Variants in BRWD1 observed in about 807,000 individuals in gnomAD.
BRWD1 encodes the protein bromodomain and WD repeat domain containing 1, also known as bromodomain and WD repeat-containing protein 1.
Under a neutral mutation model 251.2 loss-of-function variants are expected in BRWD1, and 82 were observed. The ratio of observed to expected loss-of-function variants is 0.33; its 90% CI spans 0.27 to 0.39. BRWD1 has a LOEUF of 0.39. Ranked by LOEUF, BRWD1 falls within the 10% of genes least tolerant of loss-of-function variation. BRWD1 has a pLI of 1.00. For missense variants in BRWD1, 2,233 were observed against 2,711.6 expected (o/e 0.82, Z 3.92); for synonymous variants, 918 against 902.8 (o/e 1.02, Z -0.30).
intron 27 of BRWD1, among the ~76,000 whole-genome samples, chr21:39,228,018 G>A (rs1429999730): frequency 2.6e-5 from 4 of 152,136 alleles, no homozygotes; most frequent in African/African-American, 7.2e-5. Flanking sequence ...GGCTGGGCAC[G>A]GTGGCTCACA....
chr21:39,220,692 T>C (rs1288162199), intron 29 of BRWD1, among the ~76,000 whole-genome samples: 1 of 152,226 alleles, frequency 6.6e-6, no homozygotes, highest in Non-Finnish European at 1.5e-5. Flanking sequence ...ATGCAGTTAT[T>C]ATATTACGCA....
At chr21:39,215,901 G>A (rs2032869055) in intron 31 of BRWD1, among the ~76,000 whole-genome samples, 1 of 152,196 alleles carries the variant, frequency 6.6e-6, no homozygotes, top group South Asian at 2.1e-4. Flanking sequence ...TCAAGAGGCT[G>A]AGGTGGGAGG....
chr21:39,291,419 T>C (rs2035804073), intron 8 of BRWD1, among the ~76,000 whole-genome samples: 2 of 152,154 alleles, frequency 1.3e-5, no homozygotes, highest in South Asian at 2.1e-4. Context: ...AACCAAACGT[T>C]AAGTTTCAAA....
At position 39,255,593 on chromosome 21, in the gene BRWD1, T is replaced by C. The variant is rs961728975; in HGVS notation, c.2255+52A>G. ...AATACAGAATGTGTAAATAACCATA[T>C]AAATATATTTTCACAGATAGAAACA... On this transcript the variant is annotated intron_variant, in intron 19 of 40. Coordinates refer to ENST00000342449, the MANE Select transcript of BRWD1 (RefSeq NM_033656.4). 30 of 1,452,602 alleles carry C rather than the reference T, an allele frequency of 2.1e-5. No individual in the cohort carries two copies. In the African/African-American group the frequency reaches 3.8e-4, roughly 19 times the overall value. 90.0% of individuals were successfully genotyped at this position (1,452,602 alleles called of 1,614,324 possible).
chr21:39,295,175 G>GTT (rs869129436), intron 7 of BRWD1, among the ~76,000 whole-genome samples: 3 of 64,670 alleles, frequency 4.6e-5, no homozygotes, highest in South Asian at 9.7e-4. Context: ...GTATGTCTAT[G>GTT]TTTTTTTTTT....
rs2031647665 is a variant in BRWD1, at chr21:39,193,263, T to C, written c.*2996A>G. On this transcript the variant is annotated 3_prime_UTR_variant, in exon 41 of 41. Transcript: ENST00000342449. ...CAAGCTGTGAGTAACTGCTATATCA[T>C]TGTTTCCAAGGATTAATAAACTGAG... is the stretch of plus-strand genomic sequence containing the variant. 2.0e-6 allele frequency: 2 copies of C among 985,028 alleles called. No individual in the cohort carries two copies. The highest frequency in any genetic ancestry group is 1.7e-5 in the African/African-American group (1 of 57,214). 61.0% of individuals were successfully genotyped at this position (985,028 alleles called of 1,614,324 possible). A position where few individuals can be genotyped will look rare whatever the true frequency, so the allele number is the denominator to read the frequency against.
intron 7 of BRWD1, among the ~76,000 whole-genome samples, chr21:39,295,120 A>T (rs1426404565): frequency 6.6e-6 from 1 of 150,664 alleles, no homozygotes; most frequent in East Asian, 2.0e-4. Context: ...ATTACAATGT[A>T]ATCTAATTCA....
intron 2 of BRWD1, 22 bp downstream of exon 2, chr21:39,313,219 C>T (rs1333972675): frequency 1.5e-5 from 23 of 1,526,054 alleles, no homozygotes; most frequent in Admixed American, 2.0e-5. Flanking sequence ...AAGTCCGCAG[C>T]CGCCCGCGGG....
Position 39,270,380 on chromosome 21 carries a change from G to A in BRWD1, c.1298C>T (p.Ala433Val). 1 of 1,612,420 alleles carries A rather than the reference G, an allele frequency of 6.2e-7. No individual in the cohort carries two copies. Among genetic ancestry groups the A allele is most frequent in the South Asian group, 1.1e-5 (1 of 90,766 alleles). ...AACAATGCTATCATTTTGATTCCAA[G>A]CTATCATTGTTACTTTAGGTTTCAT... ...RFMKPKVTMI[A>V]WNQNDSIVVT... Residue 433 changes from alanine (A) to valine (V), a missense_variant, in exon 14 of 41, where the codon GCT (alanine) becomes GTT (valine). This residue lies in a region of BRWD1 where 315 missense variants were observed against 421.8 expected (regional missense o/e 0.75). Transcript: ENST00000342449.
In BRWD1 at chr21:39,277,962, C is replaced by T. The variant is rs115792749; in HGVS notation, c.1004-611G>A. Among the ~76,000 whole-genome samples, 321 of 152,232 alleles carry T rather than the reference C, an allele frequency of 2.1e-3. 2 individuals carry two copies. Among genetic ancestry groups the T allele is most frequent in the African/African-American group, 7.4e-3 (306 of 41,540 alleles). On this transcript the variant is annotated intron_variant, in intron 10 of 40. Coordinates refer to ENST00000342449, the MANE Select transcript of BRWD1 (RefSeq NM_033656.4). ...CTCCTGGACACAAGCAATACTCCCA[C>T]CTAGTCTCCTGAGTAGCTGGGACTA...
At chr21:39,279,657 GAAAAA>G (rs762764578) in intron 9 of BRWD1, among the ~76,000 whole-genome samples, 1 of 111,044 alleles carries the variant, frequency 9.0e-6, no homozygotes, top group African/African-American at 4.4e-5. Context: ...AAAAAAAAAA[GAAAAA>G]AAAAAAGAAA....
At chr21:39,228,621 A>G (rs574492227) in intron 26 of BRWD1, 39 bp from the exon 27 acceptor site, 2 of 1,190,784 alleles carry the variant, frequency 1.7e-6, no homozygotes, top group Admixed American at 1.7e-5. Context: ...CTCTCTACAT[A>G]GCAGGTTATA....
intron 11 of BRWD1, 130 bp downstream of exon 11, chr21:39,277,121 T>C: frequency 1.9e-6 from 1 of 522,358 alleles, no homozygotes; most frequent in South Asian, 5.2e-5. Context: ...CAAAAAGTTA[T>C]AAATGACAGT....
chr21:39,205,316 A>G (rs2032335900), intron 37 of BRWD1, among the ~76,000 whole-genome samples: 1 of 152,072 alleles, frequency 6.6e-6, no homozygotes, highest in Non-Finnish European at 1.5e-5. Flanking sequence ...TACAAAAAAT[A>G]ATTTTTAAAA....
At chr21:39,269,775 G>T (rs2146669789) in intron 15 of BRWD1, 124 bp downstream of exon 15, 2 of 761,666 alleles carry the variant, frequency 2.6e-6, no homozygotes, top group East Asian at 3.1e-5. Context: ...AGCAGGCTTT[G>T]AATATGCTGA....
chr21:39,229,295 TA>T lies in BRWD1; in HGVS notation c.3125+16del. The T allele has an allele frequency of 1.3e-6, 2 of 1,562,388 alleles. No homozygotes were observed. The highest frequency in any genetic ancestry group is 1.7e-6 in the Non-Finnish European group (2 of 1,143,506). On this transcript the variant is annotated intron_variant, in intron 26 of 40. Transcript: ENST00000342449. Reference sequence around the variant, plus strand: ...AATTTAAATTTAAGTAATTCCATTTTAAAAAATAATACATACCTAATAGAGA... The same window carrying T: ...AATTTAAATTTAAGTAATTCCATTTTAAAAATAATACATACCTAATAGAGA...
At chr21:39,200,706 C>A (rs1164439498) in intron 38 of BRWD1, among the ~76,000 whole-genome samples, 1 of 152,154 alleles carries the variant, frequency 6.6e-6, no homozygotes, top group Admixed American at 6.5e-5. Context: ...TAGCTGCAGG[C>A]CGGGCACGGT....
At chr21:39,217,024 TATATATATATAA>T (rs1568877444) in intron 31 of BRWD1, 65 of 20,724 alleles carry the variant, frequency 3.1e-3, no homozygotes, top group Non-Finnish European at 4.2e-3. Flanking sequence ...TATATATATA[TATATATATATAA>T]ATATATATAT....
upstream of BRWD1, among the ~76,000 whole-genome samples, chr21:39,317,432 A>G (rs2036710108): frequency 6.6e-6 from 1 of 152,260 alleles, no homozygotes; most frequent in Non-Finnish European, 1.5e-5. Flanking sequence ...TCCTGACTGG[A>G]TAAACAGCTC....
Sources: allele counts gnomAD v4.1 joint callset (sites outside exome capture counted in the v4.1 genomes callset), GRCh38; gene constraint gnomAD v4.1.1; regional missense constraint gnomAD v4.1.1; transcripts MANE v1.5; gene names NCBI Gene and HGNC (gene_info 2026-07-23, HGNC 2026-07-21).